The following LIPM variants were observed in gnomAD, a reference collection of about 807,000 sequenced individuals.
LIPM encodes lipase family member M, also known as lipase member M.
LIPM carries 42 observed loss-of-function variants against 42.4 expected under a neutral mutation model. The ratio of observed to expected loss-of-function variants is 0.99; its 90% CI spans 0.77 to 1.28. The LOEUF is 1.28. Ranked by LOEUF, LIPM falls within the 50% of genes most tolerant of loss-of-function variation. The probability of loss-of-function intolerance (pLI) is 0.00; values close to 1 mark genes in which losing one functional copy is unlikely to be tolerated. For synonymous variants in LIPM, 177 were observed against 173.3 expected (o/e 1.02, Z -0.17); for missense variants, 524 against 520.1 (o/e 1.01, Z -0.07).
rs1371862267 is a variant in LIPM at position 88,808,359 on chromosome 10, G to A, written c.209G>A (p.Gly70Glu). The A allele has an allele frequency of 6.4e-7, 1 of 1,551,496 alleles. No individual in the cohort carries two copies. The highest frequency in any genetic ancestry group is 8.7e-7 in the Non-Finnish European group (1 of 1,146,836). The change falls in exon 2 of 9, where the codon GGG (glycine) becomes GAG (glutamate). Residue 70 changes from glycine (G) to glutamate (E), a missense_variant. Gly to Glu is a moderately conservative substitution (Grantham distance 98). Coordinates refer to ENST00000404743, the MANE Select transcript of LIPM (RefSeq NM_001128215.1). ...CEEYEVATED[G>E]YILSVNRIPR... ...GAATATGAAGTCGCAACTGAAGATG[G>A]GTATATCCTTTCTGTTAACAGGATT... is the stretch of plus-strand genomic sequence containing the variant.
At chr10:88,810,739 A>G (rs1246527253) in intron 2 of LIPM, among the ~76,000 whole-genome samples, 1 of 152,214 alleles carries the variant, frequency 6.6e-6, no homozygotes, top group African/African-American at 2.4e-5. Context: ...TGTAAATTAA[A>G]TAGAAGACCT....
chr10:88,818,454 T>G (rs539721192), intron 8 of LIPM, among the ~76,000 whole-genome samples: 17 of 152,350 alleles, frequency 1.1e-4, no homozygotes, highest in African/African-American at 3.8e-4. Flanking sequence ...AATCTGTAAT[T>G]TGCAAGTTAC....
rs900234802 is a variant in LIPM, at chr10:88,802,737, G to T, written c.-160G>T. On this transcript the variant is annotated 5_prime_UTR_variant, in exon 1 of 9. Coordinates refer to ENST00000404743, the MANE Select transcript of LIPM (RefSeq NM_001128215.1). ...CTAGGCAATGTTTCCAGCCTACTTTGTGTTCTTTCCCTACCAACTAAGCTT... is the reference window on the plus strand; with the variant it reads ...CTAGGCAATGTTTCCAGCCTACTTTTTGTTCTTTCCCTACCAACTAAGCTT... The T allele has an allele frequency of 4.8e-5, 32 of 663,200 alleles. No individual in the cohort carries two copies. The highest frequency in any genetic ancestry group is 1.5e-4 in the Admixed American group (5 of 32,390). 41.1% of individuals were successfully genotyped at this position (663,200 alleles called of 1,614,324 possible).
intron 1 of LIPM, among the ~76,000 whole-genome samples, chr10:88,806,448 T>A (rs1394714854): frequency 6.6e-6 from 1 of 152,152 alleles, no homozygotes; most frequent in East Asian, 1.9e-4. Flanking sequence ...TAACTACTTG[T>A]CAGATGTCCT....
chr10:88,814,118 T>C (rs1366165171), intron 3 of LIPM, among the ~76,000 whole-genome samples: 1 of 152,198 alleles, frequency 6.6e-6, no homozygotes, highest in African/African-American at 2.4e-5. Flanking sequence ...TTTATTTAAA[T>C]TACCTATTGA....
intron 2 of LIPM, among the ~76,000 whole-genome samples, chr10:88,808,945 TA>T (rs1843621517): frequency 6.7e-6 from 1 of 148,300 alleles, no homozygotes; most frequent in African/African-American, 2.5e-5. Context: ...TATTTTATTT[TA>T]TTTTATTTTA....
chr10:88,816,376 A>G (rs1843718548), intron 6 of LIPM, among the ~76,000 whole-genome samples: 1 of 152,192 alleles, frequency 6.6e-6, no homozygotes, highest in Non-Finnish European at 1.5e-5. Flanking sequence ...TGAAAAGTAT[A>G]TATTATGTAT....
At chr10:88,805,860 C>T in intron 1 of LIPM, 1 of 414,554 alleles carries the variant, frequency 2.4e-6, no homozygotes, top group Non-Finnish European at 4.8e-6. Flanking sequence ...AGTAGAGAAT[C>T]AGGAGTAAGG....
intron 2 of LIPM, 114 bp downstream of exon 2, chr10:88,808,529 T>C (rs2133052855): frequency 4.7e-6 from 3 of 633,340 alleles, no homozygotes; most frequent in Middle Eastern, 4.0e-4. Flanking sequence ...AGGTCCATTG[T>C]TCAGGTCAAA....
rs1245207776 is a variant in LIPM at position 88,820,290 on chromosome 10, G to A, written c.1061G>A (p.Gly354Glu). ...ACGGTCCCTACAGCAATGTGGACAG[G>A]AGGTCAGGACTGGCTTTCAAATCCA... ...DMTVPTAMWT[G>E]GQDWLSNPED... is the part of the protein sequence containing the mutation. The change falls in exon 9 of 9, where the codon GGA becomes GAA. Residue 354 changes from glycine (G) to glutamate (E), a missense_variant. Physicochemically the swap from Gly to Glu is moderately conservative, Grantham distance 98 (BLOSUM62 -2). Coordinates refer to ENST00000404743, the MANE Select transcript of LIPM (RefSeq NM_001128215.1). The A allele has an allele frequency of 6.4e-6, 10 of 1,551,946 alleles. No individual in the cohort carries two copies. The Admixed American group carries it at 7.8e-5, about 12-fold the overall frequency.
intron 1 of LIPM, among the ~76,000 whole-genome samples, chr10:88,807,345 T>C (rs12412916): frequency 0.053 from 8,022 of 152,274 alleles, 451 homozygotes; most frequent in East Asian, 0.13. Flanking sequence ...TTTCTCCTAA[T>C]GACTATGCTT....
chr10:88,820,121 T>G, intron 8 of LIPM, 111 bp from the exon 9 acceptor site: 1 of 851,792 alleles, frequency 1.2e-6, no homozygotes, highest in Non-Finnish European at 1.8e-6. Flanking sequence ...CTAACACCCA[T>G]GTACCCTTCA....
At chr10:88,810,510 C>CAA (rs5786838) in intron 2 of LIPM, among the ~76,000 whole-genome samples, 2,706 of 137,026 alleles carry the variant, frequency 0.02, 71 homozygotes, top group South Asian at 0.13. Context: ...TCTCCCATAT[C>CAA]AAAAAAAAAA....
rs564980176 is a variant in LIPM, at chr10:88,819,413, C to A, written c.1003-819C>A. On this transcript the variant is annotated intron_variant, in intron 8 of 8. Transcript: ENST00000404743. ...TAGCCCCATAGAATTTTTCAACCTT[C>A]CTTATCCAAATTAGGCCATAACTGA... Among the ~76,000 whole-genome samples the A allele has an allele frequency of 1.5e-3, 221 of 152,300 alleles. 2 individuals carry two copies. The highest frequency in any genetic ancestry group is 5.0e-3 in the African/African-American group (207 of 41,556).
intron 2 of LIPM, among the ~76,000 whole-genome samples, chr10:88,810,351 G>C (rs1843639612): frequency 6.6e-6 from 1 of 152,222 alleles, no homozygotes; most frequent in Non-Finnish European, 1.5e-5. Flanking sequence ...TCTATGGATG[G>C]AATTTGTTTT....
intron 2 of LIPM, 141 bp downstream of exon 2, chr10:88,808,556 C>A: frequency 1.8e-6 from 1 of 546,322 alleles, no homozygotes; most frequent in Middle Eastern, 4.9e-4. Context: ...TGTCAGTTCC[C>A]CCATAGTCTC....
chr10:88,806,820 G>C (rs554681600), intron 1 of LIPM, among the ~76,000 whole-genome samples: 8 of 152,150 alleles, frequency 5.3e-5, no homozygotes, highest in Admixed American at 4.6e-4. Context: ...AAGTAGCTAG[G>C]ACTATAGGCA....
At chr10:88,817,006 C>A in intron 7 of LIPM, 119 bp downstream of exon 7, 1 of 769,832 alleles carries the variant, frequency 1.3e-6, no homozygotes, top group Non-Finnish European at 2.2e-6. Context: ...AGATGAAATG[C>A]AGTATCGTCG....
intron 6 of LIPM, among the ~76,000 whole-genome samples, chr10:88,816,085 A>C (rs1843715535): frequency 6.6e-6 from 1 of 152,220 alleles, no homozygotes; most frequent in South Asian, 2.1e-4. Flanking sequence ...TTGATCCTGC[A>C]GGGATTTTTG....
Sources: allele counts gnomAD v4.1 joint callset (sites outside exome capture counted in the v4.1 genomes callset), GRCh38; gene constraint gnomAD v4.1.1; transcripts MANE v1.5; gene names NCBI Gene and HGNC (gene_info 2026-07-23, HGNC 2026-07-21).